Variants in GRIK1 observed in about 807,000 individuals in gnomAD.
GRIK1 encodes the protein glutamate receptor ionotropic, kainate 1.
Under a neutral mutation model 105.7 loss-of-function variants are expected in GRIK1, and 69 were observed. That is an observed-to-expected ratio of 0.65 (90% CI 0.54 to 0.80). The LOEUF (loss-of-function observed/expected upper bound fraction) is 0.80. Ranked by LOEUF, GRIK1 falls within the 30% of genes least tolerant of loss-of-function variation. The probability of loss-of-function intolerance (pLI) is 0.00; values close to 1 mark genes in which losing one functional copy is unlikely to be tolerated. For synonymous variants in GRIK1, 438 were observed against 431.3 expected, an observed-to-expected ratio of 1.02 and a Z score of -0.19; for missense variants, 1,109 against 1,167.3, an observed-to-expected ratio of 0.95 and a Z score of 0.73.
At chr21:29,604,115 T>G (rs2146341513) in intron 7 of GRIK1, among the ~76,000 whole-genome samples, 1 of 152,314 alleles carries the variant, frequency 6.6e-6, no homozygotes, top group East Asian at 1.9e-4. Context: ...TCCCTAAGTG[T>G]GACTATTGTG....
At chr21:29,929,532 A>G (rs1349878109) in intron 1 of GRIK1, among the ~76,000 whole-genome samples, 1 of 152,210 alleles carries the variant, frequency 6.6e-6, no homozygotes, top group African/African-American at 2.4e-5. Context: ...TATGGTCTAT[A>G]TTATTTTGTG....
intron 1 of GRIK1, among the ~76,000 whole-genome samples, chr21:29,782,072 C>G (rs935775797): frequency 1.1e-4 from 16 of 149,828 alleles, no homozygotes; most frequent in Non-Finnish European, 2.1e-4. Context: ...GTCCCGTATA[C>G]AACACTGCAA....
At chr21:29,638,999 C>T (rs1231003702) in intron 7 of GRIK1, among the ~76,000 whole-genome samples, 1 of 152,218 alleles carries the variant, frequency 6.6e-6, no homozygotes, top group East Asian at 1.9e-4. Flanking sequence ...GTGATGAAAT[C>T]TCAGAATCTG....
chr21:29,784,991 A>G (rs1348749174), intron 1 of GRIK1, among the ~76,000 whole-genome samples: 1 of 152,220 alleles, frequency 6.6e-6, no homozygotes, highest in Non-Finnish European at 1.5e-5. Context: ...TCATAATTTG[A>G]CTTAGGTTTT....
intron 8 of GRIK1, among the ~76,000 whole-genome samples, chr21:29,597,229 C>A (rs964178122): frequency 6.6e-6 from 1 of 152,158 alleles, no homozygotes; most frequent in African/African-American, 2.4e-5. Context: ...CCCAAGACAC[C>A]TGAAGAAAGA....
intron 1 of GRIK1, among the ~76,000 whole-genome samples, chr21:29,783,439 T>C (rs553831125): frequency 6.6e-6 from 1 of 152,336 alleles, no homozygotes; most frequent in Admixed American, 6.5e-5. Flanking sequence ...CATATACATA[T>C]TTTGATGTAA....
intron 1 of GRIK1, among the ~76,000 whole-genome samples, chr21:29,738,231 A>C (rs2064844368): frequency 6.6e-6 from 1 of 152,144 alleles, no homozygotes; most frequent in Admixed American, 6.5e-5. Context: ...TAATTCTCCC[A>C]CTTTATCTGT....
intron 7 of GRIK1, among the ~76,000 whole-genome samples, chr21:29,620,812 T>TATATATAGATAGATAGATAGATAG (rs2061980108): frequency 8.5e-6 from 1 of 117,500 alleles, no homozygotes; most frequent in African/African-American, 4.1e-5. Context: ...TATAGATATA[T>TATATATAGATAGATAGATAGATAG]ATATATAGTA....
intron 1 of GRIK1, among the ~76,000 whole-genome samples, chr21:29,839,365 G>A (rs1191351638): frequency 2.0e-5 from 3 of 152,008 alleles, no homozygotes; most frequent in African/African-American, 7.2e-5. Context: ...ATTTCTAGTT[G>A]TAATTTGAGT....
intron 1 of GRIK1, among the ~76,000 whole-genome samples, chr21:29,922,429 C>T (rs2071222526): frequency 6.6e-6 from 1 of 152,072 alleles, no homozygotes; most frequent in South Asian, 2.1e-4. Flanking sequence ...TATCTTAAAA[C>T]TGCATACCTT....
intron 1 of GRIK1, among the ~76,000 whole-genome samples, chr21:29,892,977 C>T (rs2069959645): frequency 6.6e-6 from 1 of 152,146 alleles, no homozygotes; most frequent in African/African-American, 2.4e-5. Flanking sequence ...AGTTCGAGAC[C>T]AGCATGAGCT....
chr21:29,620,812 T>TAG (rs1277538736), intron 7 of GRIK1, among the ~76,000 whole-genome samples: 6 of 117,486 alleles, frequency 5.1e-5, no homozygotes, highest in South Asian at 4.9e-4. Flanking sequence ...TATAGATATA[T>TAG]ATATATAGTA....
intron 1 of GRIK1, among the ~76,000 whole-genome samples, chr21:29,847,538 G>A (rs1284984659): frequency 5.9e-5 from 9 of 152,188 alleles, no homozygotes; most frequent in Non-Finnish European, 1.3e-4. Flanking sequence ...AGGGTGCAGT[G>A]AGCCAAGATT....
At chr21:29,772,588 C>A (rs1352510964) in intron 1 of GRIK1, among the ~76,000 whole-genome samples, 2 of 152,004 alleles carry the variant, frequency 1.3e-5, no homozygotes, top group Non-Finnish European at 2.9e-5. Context: ...TATTTGTCAT[C>A]CCCCCCACCC....
At chr21:29,774,956 G>T (rs894185960) in intron 1 of GRIK1, among the ~76,000 whole-genome samples, 2 of 152,124 alleles carry the variant, frequency 1.3e-5, no homozygotes, top group Non-Finnish European at 2.9e-5. Context: ...TCTGAATTAA[G>T]TAGCTGGTCC....
At chr21:29,723,466 A>G (rs1186625864) in intron 1 of GRIK1, among the ~76,000 whole-genome samples, 7 of 152,220 alleles carry the variant, frequency 4.6e-5, no homozygotes, top group Non-Finnish European at 1.0e-4. Context: ...ATTGCTCCCA[A>G]ATTTCTCTCA....
intron 1 of GRIK1, among the ~76,000 whole-genome samples, chr21:29,744,559 T>C (rs2065004843): frequency 6.7e-6 from 1 of 150,170 alleles, no homozygotes; most frequent in Non-Finnish European, 1.5e-5. Flanking sequence ...CTCTCTCAGC[T>C]AGGTTTTTTT....
intron 1 of GRIK1, among the ~76,000 whole-genome samples, chr21:29,740,352 G>C (rs1251952815): frequency 1.3e-5 from 2 of 151,888 alleles, no homozygotes; most frequent in African/African-American, 4.8e-5. Context: ...CGAGTAGTTG[G>C]GACTACAGGT....
At chr21:29,621,491 A>T (rs1038318109) in intron 7 of GRIK1, among the ~76,000 whole-genome samples, 1 of 152,198 alleles carries the variant, frequency 6.6e-6, no homozygotes, top group African/African-American at 2.4e-5. Context: ...GCATCTATAT[A>T]GTCCCAAGCT....
Sources: gnomAD v4.1 joint callset for allele counts (sites outside exome capture counted in the v4.1 genomes callset) on GRCh38, gnomAD v4.1.1 for gene constraint, MANE v1.5 for transcripts, NCBI Gene and HGNC (gene_info 2026-07-23, HGNC 2026-07-21) for gene names.